PPP1R12B: variants seen among roughly 807,000 people sequenced by gnomAD.
The protein encoded by PPP1R12B is protein phosphatase 1 regulatory subunit 12B.
PPP1R12B carries 76 observed loss-of-function variants against 126.1 expected under a neutral mutation model. The observed-to-expected ratio is 0.60, with a 90% CI of 0.50 to 0.73. PPP1R12B has a LOEUF of 0.73. Ranked by LOEUF, PPP1R12B falls within the 30% of genes least tolerant of loss-of-function variation. The pLI is 0.00. For synonymous variants in PPP1R12B, 356 were observed against 434.7 expected (o/e 0.82, Z 2.25); for missense variants, 1,052 against 1,205.1 (o/e 0.87, Z 1.88).
chr1:202,491,160 TGTCACGCAG>T (rs1222787943), intron 14 of PPP1R12B, among the ~76,000 whole-genome samples: 1 of 152,212 alleles, frequency 6.6e-6, no homozygotes, highest in Non-Finnish European at 1.5e-5. Context: ...GTTTTGCTCT[TGTCACGCAG>T]GCCGGGGTGC....
chr1:202,494,189 T>C (rs1445492360), intron 15 of PPP1R12B, among the ~76,000 whole-genome samples: 4 of 152,220 alleles, frequency 2.6e-5, no homozygotes, highest in African/African-American at 9.7e-5. Context: ...ACTGAAGTTC[T>C]ATTTTGTATT....
chr1:202,512,597 A>T (rs1206279951), intron 18 of PPP1R12B, among the ~76,000 whole-genome samples: 1 of 152,212 alleles, frequency 6.6e-6, no homozygotes, highest in African/African-American at 2.4e-5. Context: ...CTTGTTTTGT[A>T]GGCTTGATAC....
intron 13 of PPP1R12B, among the ~76,000 whole-genome samples, chr1:202,473,367 C>A (rs1178958123): frequency 5.9e-5 from 9 of 152,140 alleles, no homozygotes; most frequent in Middle Eastern, 3.2e-3. Flanking sequence ...AAATTTGTTC[C>A]TGCATTTCTG....
chr1:202,432,526 C>G (rs1167230669), intron 8 of PPP1R12B, among the ~76,000 whole-genome samples: 1 of 152,120 alleles, frequency 6.6e-6, no homozygotes, highest in Non-Finnish European at 1.5e-5. Flanking sequence ...CTTGGCCTCC[C>G]TAAGTGCTAG....
At chr1:202,376,676 G>A (rs1457663266) in intron 1 of PPP1R12B, among the ~76,000 whole-genome samples, 1 of 152,094 alleles carries the variant, frequency 6.6e-6, no homozygotes, top group Non-Finnish European at 1.5e-5. Flanking sequence ...TTTATTTGAT[G>A]TAAAAATTAC....
chr1:202,440,945 T>G (rs1484918838), intron 11 of PPP1R12B, among the ~76,000 whole-genome samples, 157 bp downstream of exon 11: 1 of 152,212 alleles, frequency 6.6e-6, no homozygotes, highest in East Asian at 1.9e-4. Flanking sequence ...TCAACTCTTA[T>G]ATCCTTGCTT....
chr1:202,454,995 T>A (rs904515439), intron 13 of PPP1R12B, among the ~76,000 whole-genome samples: 1 of 151,936 alleles, frequency 6.6e-6, no homozygotes. Flanking sequence ...CTGCTCAACC[T>A]GAGATCTGCT....
chr1:202,374,990 C>T (rs1212628781), intron 1 of PPP1R12B, among the ~76,000 whole-genome samples: 2 of 151,952 alleles, frequency 1.3e-5, no homozygotes, highest in Admixed American at 6.6e-5. Context: ...TCGCCCAGGC[C>T]GAAGTGAGAT....
At chr1:202,475,013 C>T (rs2148803026) in intron 13 of PPP1R12B, among the ~76,000 whole-genome samples, 1 of 152,268 alleles carries the variant, frequency 6.6e-6, no homozygotes, top group South Asian at 2.1e-4. Flanking sequence ...TGGTTTAAAG[C>T]TAAATGGGAT....
chr1:202,423,396 C>T (rs1669076558), intron 3 of PPP1R12B, among the ~76,000 whole-genome samples: 1 of 152,016 alleles, frequency 6.6e-6, no homozygotes. Flanking sequence ...TCTTGCAGTT[C>T]ATCCCAGAGG....
chr1:202,400,993 A>G (rs369274837), intron 1 of PPP1R12B, among the ~76,000 whole-genome samples: 6 of 152,208 alleles, frequency 3.9e-5, no homozygotes, highest in African/African-American at 1.4e-4. Flanking sequence ...TTAGCTGAAA[A>G]AGAAGTAAAA....
intron 1 of PPP1R12B, among the ~76,000 whole-genome samples, chr1:202,407,388 C>T (rs1373568121): frequency 2.0e-5 from 3 of 152,202 alleles, no homozygotes; most frequent in Non-Finnish European, 2.9e-5. Flanking sequence ...TGCCAGTTTA[C>T]TGAGAACAAA....
At chr1:202,397,459 T>C (rs1665152617) in intron 1 of PPP1R12B, among the ~76,000 whole-genome samples, 1 of 152,244 alleles carries the variant, frequency 6.6e-6, no homozygotes, top group Non-Finnish European at 1.5e-5. Context: ...CACTACTCTC[T>C]TGCCAGGTCT....
chr1:202,439,679 G>A (rs1671357146), intron 10 of PPP1R12B: 3 of 642,178 alleles, frequency 4.7e-6, no homozygotes, highest in Non-Finnish European at 8.4e-6. Context: ...CCTTCTCCAA[G>A]TTGGAGGCAG....
At chr1:202,448,900 A>G (rs1672587234) in intron 12 of PPP1R12B, 89 bp from the exon 13 acceptor site, 20 of 1,358,828 alleles carry the variant, frequency 1.5e-5, no homozygotes, top group Non-Finnish European at 2.0e-5. Flanking sequence ...TAGATGAACC[A>G]CTCTTTAATC....
intron 11 of PPP1R12B, among the ~76,000 whole-genome samples, chr1:202,441,301 C>T (rs10800836): frequency 0.4 from 61,249 of 152,032 alleles, 14,562 homozygotes; most frequent in East Asian, 0.7. Flanking sequence ...GTATTGGCAT[C>T]ACCCGGGTAC....
chr1:202,367,140 T>C (rs990145786), intron 1 of PPP1R12B, among the ~76,000 whole-genome samples: 3 of 152,236 alleles, frequency 2.0e-5, no homozygotes, highest in Non-Finnish European at 4.4e-5. Context: ...ACACTACTTA[T>C]AAGCCATTTT....
Position 202,379,253 on chromosome 1 carries a change from C to A in PPP1R12B, c.291+30111C>A, listed in dbSNP as rs569377292. Among the ~76,000 whole-genome samples the A allele has an allele frequency of 1.7e-4, 26 of 152,288 alleles. No individual in the cohort carries two copies. The South Asian group carries it at 5.4e-3, about 32-fold the overall frequency. ...GTTTTCTCTTCTTGAAAAGAAATAT[C>A]ATCAGCCACTCAGTCATTTAAGTCA... On this transcript the variant is annotated intron_variant, in intron 1 of 23. Transcript: ENST00000608999.
intron 18 of PPP1R12B, chr1:202,540,142 G>A: frequency 6.2e-7 from 1 of 1,606,868 alleles, no homozygotes; most frequent in Non-Finnish European, 8.5e-7. Context: ...GAGGAACCAT[G>A]TCCTCTTTAT....
Sources: gnomAD v4.1 joint callset for allele counts (sites outside exome capture counted in the v4.1 genomes callset) on GRCh38, gnomAD v4.1.1 for gene constraint, MANE v1.5 for transcripts, NCBI Gene and HGNC (gene_info 2026-07-23, HGNC 2026-07-21) for gene names.